The following PCNT variants were observed in gnomAD, a reference collection of about 807,000 sequenced individuals.
PCNT encodes pericentrin.
Under a neutral mutation model 380.4 loss-of-function variants are expected in PCNT, and 319 were observed. That is an observed-to-expected ratio of 0.84 (90% CI 0.77 to 0.92). The LOEUF is 0.92. Among genes scored for constraint, PCNT ranks in the 40% least tolerant of loss-of-function variants. PCNT has a pLI of 0.00. For synonymous variants in PCNT, 1,845 were observed against 1,735.2 expected (o/e 1.06, Z -1.57); for missense variants, 4,400 against 4,255.3 (o/e 1.03, Z -0.95).
intron 44 of PCNT, 36 bp downstream of exon 44, chr21:46,442,609 A>G (rs761565147): frequency 7.8e-7 from 1 of 1,287,154 alleles, no homozygotes; most frequent in Non-Finnish European, 1.1e-6. Context: ...CTGGACTCAC[A>G]AACCTTTCTT....
intron 2 of PCNT, among the ~76,000 whole-genome samples, chr21:46,329,901 G>T (rs1352324054): frequency 6.6e-6 from 1 of 152,174 alleles, no homozygotes; most frequent in Non-Finnish European, 1.5e-5. Context: ...GCATGGCAGG[G>T]CCTGACTGAT....
At chr21:46,386,713 A>G (rs1166530880) in intron 17 of PCNT, among the ~76,000 whole-genome samples, 1 of 152,168 alleles carries the variant, frequency 6.6e-6, no homozygotes, top group African/African-American at 2.4e-5. Context: ...CTCTGACACC[A>G]TGGAGGTTTT....
chr21:46,371,967 A>G (rs994767675), intron 15 of PCNT, among the ~76,000 whole-genome samples: 3 of 151,342 alleles, frequency 2.0e-5, no homozygotes, highest in Non-Finnish European at 4.4e-5. Flanking sequence ...CAGCACATAC[A>G]TAGCACATAC....
rs760416456 is a variant in PCNT at position 46,426,069 on chromosome 21, CTTTTTTTTTTTTTTTT to C, written c.7320+110_7320+125del. ...GCCACGTGGACACTAGGATTTCTTT[CTTTTTTTTTTTTTTTT>C]TTTTTTTTTTTGAGACTCGGCTCAC... On this transcript the variant is annotated intron_variant, in intron 33 of 46. Transcript: ENST00000359568. 7.1e-5 allele frequency: 22 copies of C among 309,274 alleles called. 1 individual carries two copies. The highest frequency in any genetic ancestry group is 1.2e-4 in the Non-Finnish European group (21 of 181,818). 19.2% of individuals were successfully genotyped at this position (309,274 alleles called of 1,614,324 possible).
chr21:46,351,666 A>T (rs537435860), intron 9 of PCNT, 126 bp downstream of exon 9: 632 of 723,724 alleles, frequency 8.7e-4, no homozygotes, highest in Non-Finnish European at 1.2e-3. Context: ...CCTGTTTGAC[A>T]TCCTGAAGGT....
chr21:46,371,832 A>G (rs2085139301), intron 15 of PCNT, among the ~76,000 whole-genome samples: 1 of 146,748 alleles, frequency 6.8e-6, no homozygotes, highest in South Asian at 2.2e-4. Flanking sequence ...ACATGCAGAC[A>G]CAGCACATAC....
chr21:46,334,057 T>A (rs2083648647), intron 2 of PCNT, among the ~76,000 whole-genome samples: 1 of 151,752 alleles, frequency 6.6e-6, no homozygotes, highest in African/African-American at 2.4e-5. Context: ...ATACAAAAAT[T>A]AGCTGGGCGT....
Position 46,416,642 on chromosome 21 carries a change from C to T in PCNT, c.6724C>T (p.Leu2242Phe), listed in dbSNP as rs1256163217. The T allele has an allele frequency of 4.5e-6, 7 of 1,566,374 alleles. No individual in the cohort carries two copies. The highest frequency in any genetic ancestry group is 6.0e-6 in the Non-Finnish European group (7 of 1,157,780). ...KDWTLEPWPS[L>F]PVTPHSGALS... ...CTGGACCCTGGAGCCCTGGCCCAGC[C>T]TCCCCGTGACACCCCACTCAGGAGC... Residue 2242 changes from leucine to phenylalanine, a missense_variant, in exon 30 of 47, where the codon CTC becomes TTC. By Grantham distance (22) the Leu-to-Phe change is conservative. Transcript: ENST00000359568.
chr21:46,386,866 C>T lies in PCNT; in HGVS notation c.3464+883C>T, dbSNP rs140614405. On this transcript the variant is annotated intron_variant, in intron 17 of 46. Transcript: ENST00000359568. Reference sequence around the variant, plus strand: ...GCAGCCTCCCCTTGGTGCGCGTCCTCCCCGTCCCCTTGTGTGGGTCTTTGG... The same window carrying T: ...GCAGCCTCCCCTTGGTGCGCGTCCTTCCCGTCCCCTTGTGTGGGTCTTTGG... Among the ~76,000 whole-genome samples, 351 of 152,322 alleles carry T rather than the reference C, an allele frequency of 2.3e-3. 3 individuals are homozygous for T. The highest frequency in any genetic ancestry group is 7.8e-3 in the African/African-American group (323 of 41,572).
In PCNT at chr21:46,381,822, G is replaced by C; in HGVS notation, c.3294G>C (p.Lys1098Asn). 2 of 1,614,210 alleles carry C rather than the reference G, an allele frequency of 1.2e-6. No homozygotes were observed. Among genetic ancestry groups the C allele is most frequent in the Non-Finnish European group, 1.7e-6 (2 of 1,180,026 alleles). Reference sequence around the variant, plus strand: ...CTTTGTCTCTGCAGCTTCAAAAGAAGAATCACCAAGTCCAGCAGGTGTGTG... The same window carrying C: ...CTTTGTCTCTGCAGCTTCAAAAGAACAATCACCAAGTCCAGCAGGTGTGTG... The part of the protein sequence containing the change: ...KESLSLQLQK[K>N]NHQVQQLKDQ... The change falls in exon 16 of 47, where the codon AAG (lysine) becomes AAC (asparagine). Residue 1098 changes from lysine (K) to asparagine (N), a missense_variant. By Grantham distance (94) the Lys-to-Asn change is moderately conservative. Coordinates refer to ENST00000359568, the MANE Select transcript of PCNT (RefSeq NM_006031.6).
At chr21:46,365,648 T>A (rs1359057754) in intron 14 of PCNT, among the ~76,000 whole-genome samples, 2 of 147,588 alleles carry the variant, frequency 1.4e-5, no homozygotes, top group African/African-American at 2.5e-5. Flanking sequence ...TGGGGTTCTA[T>A]TCACTGCCAT....
intron 1 of PCNT, among the ~76,000 whole-genome samples, chr21:46,325,835 G>C (rs916290495): frequency 6.6e-6 from 1 of 152,212 alleles, no homozygotes; most frequent in Non-Finnish European, 1.5e-5. Flanking sequence ...TGTCCCTGGT[G>C]CTTTGGTGAG....
At position 46,357,008 on chromosome 21, in the gene PCNT, C is replaced by CG. The variant is rs1555956600; in HGVS notation, c.1975dup (p.Asp659GlyfsTer18). The stretch of plus-strand genomic sequence containing the variant: ...GGGTGCATCTCCAGGGTGTGCAGGA[C>CG]GGGGACTTGGAGGCCGACACAGAGC... On this transcript the variant is annotated frameshift_variant, in exon 13 of 47. Transcript: ENST00000359568. LOFTEE classifies it high-confidence loss of function. The CG allele has an allele frequency of 3.7e-6, 6 of 1,614,156 alleles. No homozygotes were observed. The highest frequency in any genetic ancestry group is 5.1e-6 in the Non-Finnish European group (6 of 1,180,026).
chr21:46,391,484 T>A, intron 21 of PCNT, 108 bp downstream of exon 21: 1 of 897,232 alleles, frequency 1.1e-6, no homozygotes, highest in Non-Finnish European at 1.7e-6. Context: ...GGGTCAAGTG[T>A]AAACCAGCAC....
intron 15 of PCNT, among the ~76,000 whole-genome samples, chr21:46,377,288 TGGAGCAGCAGGTCCC>T (rs1238088723): frequency 3.3e-5 from 5 of 152,228 alleles, no homozygotes; most frequent in African/African-American, 9.6e-5. Context: ...CCAGATGTTC[TGGAGCAGCAGGTCCC>T]GGAGCAGCAG....
chr21:46,364,704 C>A (rs1450218294), intron 14 of PCNT, among the ~76,000 whole-genome samples: 1 of 152,206 alleles, frequency 6.6e-6, no homozygotes, highest in Non-Finnish European at 1.5e-5. Context: ...GAGCCTCAGT[C>A]CCAGGGCTGT....
intron 2 of PCNT, 72 bp downstream of exon 2, chr21:46,326,661 A>G (rs2083404801): frequency 2.0e-6 from 3 of 1,488,458 alleles, no homozygotes; most frequent in Admixed American, 1.7e-5. Context: ...TTTACTAAAG[A>G]TGGTCTTTGG....
intron 2 of PCNT, 67 bp downstream of exon 2, chr21:46,326,656 T>C: frequency 3.4e-6 from 5 of 1,479,500 alleles, no homozygotes; most frequent in Non-Finnish European, 4.7e-6. Flanking sequence ...TGTGATTTAC[T>C]AAAGATGGTC....
chr21:46,351,104 C>T (rs554947906), intron 8 of PCNT, among the ~76,000 whole-genome samples: 4 of 152,266 alleles, frequency 2.6e-5, no homozygotes, highest in Non-Finnish European at 4.4e-5. Context: ...GACCCTAAAC[C>T]GAAGCAGGGA....
Sources: allele counts gnomAD v4.1 joint callset (sites outside exome capture counted in the v4.1 genomes callset), GRCh38; gene constraint gnomAD v4.1.1; transcripts MANE v1.5; gene names NCBI Gene and HGNC (gene_info 2026-07-23, HGNC 2026-07-21).